The following KCNQ1 variants were observed in gnomAD, a reference collection of about 807,000 sequenced individuals.
KCNQ1 encodes potassium voltage-gated channel subfamily Q member 1, also known as potassium voltage-gated channel subfamily KQT member 1.
A neutral mutation model predicts 72.4 loss-of-function variants in KCNQ1; 49 were observed. The observed-to-expected ratio is 0.68, with a 90% CI of 0.54 to 0.86. The LOEUF is 0.86. Ranked by LOEUF, KCNQ1 falls within the 40% of genes least tolerant of loss-of-function variation. The probability of loss-of-function intolerance (pLI) is 0.00; values close to 1 mark genes in which losing one functional copy is unlikely to be tolerated. For synonymous variants in KCNQ1, 450 were observed against 412.6 expected (o/e 1.09, Z -1.10); for missense variants, 790 against 945.1 (o/e 0.84, Z 2.15).
intron 11 of KCNQ1, chr11:2,692,250 C>T (rs1850600459): frequency 2.5e-6 from 1 of 398,826 alleles, no homozygotes; most frequent in African/African-American, 2.1e-5. Context: ...AGCCCATCAC[C>T]AAGCCAGGCT....
In KCNQ1 at chr11:2,600,203, G is replaced by T. The variant is rs1281481062; in HGVS notation, c.1393+11349G>T. On this transcript the variant is annotated intron_variant, in intron 10 of 15. Coordinates refer to ENST00000155840, the MANE Select transcript of KCNQ1 (RefSeq NM_000218.3). This position sits in a 1 kb window ranked among gnomAD's most constrained non-coding sequence, Gnocchi z 5.6. ...ATGTTTAGCAGCATCTCCGGCCTCA[G>T]TTATGACCACCAAAAACATCTCCAC... Among the ~76,000 whole-genome samples the T allele has an allele frequency of 6.6e-6, 1 of 152,202 alleles. No homozygotes were observed. Among genetic ancestry groups the T allele is most frequent in the East Asian group, 1.9e-4 (1 of 5,204 alleles).
At chr11:2,573,139 G>A (rs1848367456) in intron 6 of KCNQ1, among the ~76,000 whole-genome samples, 153 bp downstream of exon 6, 1 of 152,202 alleles carries the variant, frequency 6.6e-6, no homozygotes. Flanking sequence ...TGTGCTTGGA[G>A]CCGCTGGCAC....
In KCNQ1 at chr11:2,678,192, T is replaced by C. The variant is rs1471628241; in HGVS notation, c.1514+16111T>C. 2.5e-6 allele frequency: 1 copy of C among 398,292 alleles called. No homozygotes were observed. Among genetic ancestry groups the C allele is most frequent in the Non-Finnish European group, 4.4e-6 (1 of 225,970 alleles). The allele number at this position is 398,292 out of a possible 1,614,324, so 24.7% of individuals were successfully genotyped here. ...TATTTTTCTGGTGGCAGAATTTTTTTAATTTCACATAGTCAGCTGTGTCAG... is the reference window on the plus strand; with the variant it reads ...TATTTTTCTGGTGGCAGAATTTTTTCAATTTCACATAGTCAGCTGTGTCAG... On this transcript the variant is annotated intron_variant, in intron 11 of 15. Coordinates refer to ENST00000155840, the MANE Select transcript of KCNQ1 (RefSeq NM_000218.3). This position sits in a 1 kb window ranked among gnomAD's most constrained non-coding sequence, Gnocchi z 4.9.
chr11:2,803,627 C>T lies in KCNQ1; in HGVS notation c.1794+25590C>T, dbSNP rs1358003650. 6.6e-6 allele frequency among the ~76,000 whole-genome samples: 1 copy of T among 152,122 alleles called. No individual in the cohort carries two copies. The highest frequency in any genetic ancestry group is 1.5e-5 in the Non-Finnish European group (1 of 68,016). ...AGGCCTGTACCGTCTGCAGCCCCAT[C>T]TCCAGGTCCCGGCCTGCCCCAGCCT... On this transcript the variant is annotated intron_variant, in intron 15 of 15. Transcript: ENST00000155840. The surrounding 1 kb of genome is among the most constrained non-coding windows in gnomAD (Gnocchi z 6.4).
intron 10 of KCNQ1, chr11:2,630,745 G>A: frequency 2.5e-6 from 1 of 398,276 alleles, no homozygotes; most frequent in East Asian, 3.6e-5. Context: ...AACTCCCTCT[G>A]GCATATCTTG....
At chr11:2,641,702 T>G (rs1849579740) in intron 10 of KCNQ1, 2 of 398,372 alleles carry the variant, frequency 5.0e-6, no homozygotes. Context: ...CCATAAAATC[T>G]TTCCCTAGAC....
Position 2,493,877 on chromosome 11 carries a change from C to T in KCNQ1, c.387-34051C>T, listed in dbSNP as rs1380139644. Among the ~76,000 whole-genome samples the T allele has an allele frequency of 6.6e-6, 1 of 152,052 alleles. No homozygotes were observed. The highest frequency in any genetic ancestry group is 1.5e-5 in the Non-Finnish European group (1 of 68,008). ...AAATTTAAAGTAGTTTTTTCTAATT[C>T]TGTGAAGAAAGTCAATGATAGCTTG... On this transcript the variant is annotated intron_variant, in intron 1 of 15. Coordinates refer to ENST00000155840, the MANE Select transcript of KCNQ1 (RefSeq NM_000218.3). This position sits in a 1 kb window ranked among gnomAD's most constrained non-coding sequence, Gnocchi z 5.3.
chr11:2,523,763 T>G (rs1415302750), intron 1 of KCNQ1, among the ~76,000 whole-genome samples: 2 of 147,442 alleles, frequency 1.4e-5, no homozygotes, highest in East Asian at 4.4e-4. Context: ...TTTTTTTTTT[T>G]TTTTTTTTGA....
Position 2,824,309 on chromosome 11 carries a change from A to G in KCNQ1, c.1795-23458A>G, listed in dbSNP as rs777811131. On this transcript the variant is annotated intron_variant, in intron 15 of 15. Coordinates refer to ENST00000155840, the MANE Select transcript of KCNQ1 (RefSeq NM_000218.3). The surrounding 1 kb of genome is among the most constrained non-coding windows in gnomAD (Gnocchi z 5.9). Reference sequence around the variant, plus strand: ...GGCTAGGCCCAGGGGTGGAAAGAAGACAGATACGAGAGGGGATTTGGAGAC... The same window carrying G: ...GGCTAGGCCCAGGGGTGGAAAGAAGGCAGATACGAGAGGGGATTTGGAGAC... Among the ~76,000 whole-genome samples, 7 of 152,076 alleles carry G rather than the reference A, an allele frequency of 4.6e-5. No individual in the cohort carries two copies. The highest frequency in any genetic ancestry group is 8.8e-5 in the Non-Finnish European group (6 of 68,010).
Position 2,556,369 on chromosome 11 carries a change from G to A in KCNQ1, c.478-14259G>A, listed in dbSNP as rs112117834. Among the ~76,000 whole-genome samples the A allele has an allele frequency of 3.0e-4, 46 of 152,254 alleles. 1 individual carries two copies. The highest frequency in any genetic ancestry group is 9.4e-4 in the African/African-American group (39 of 41,546). On this transcript the variant is annotated intron_variant, in intron 2 of 15. Transcript: ENST00000155840. ...GCGGGGCGGGGGACACAGTTTAGCC[G>A]GTAGGAATACCTACCTGTCAGAGGA... is the stretch of plus-strand genomic sequence containing the variant.
At position 2,781,926 on chromosome 11, in the gene KCNQ1, T is replaced by A. The variant is rs1028026933; in HGVS notation, c.1794+3889T>A. 1.3e-5 allele frequency among the ~76,000 whole-genome samples: 2 copies of A among 152,108 alleles called. No individual in the cohort carries two copies. The highest frequency in any genetic ancestry group is 2.9e-5 in the Non-Finnish European group (2 of 68,004). Reference sequence around the variant, plus strand: ...GGTCGCAGAATCCAGGCCTCCAGGATGAGAATGCCCCCCAACCCAGGACTC... The same window carrying A: ...GGTCGCAGAATCCAGGCCTCCAGGAAGAGAATGCCCCCCAACCCAGGACTC... On this transcript the variant is annotated intron_variant, in intron 15 of 15. Coordinates refer to ENST00000155840, the MANE Select transcript of KCNQ1 (RefSeq NM_000218.3). This position sits in a 1 kb window ranked among gnomAD's most constrained non-coding sequence, Gnocchi z 6.6.
chr11:2,638,894 T>C (rs151246266), intron 10 of KCNQ1: 1,563 of 152,360 alleles, frequency 0.01, 48 homozygotes, highest in East Asian at 0.081. Context: ...CCCATATTTC[T>C]TGGAGGCTTT....
intron 15 of KCNQ1, among the ~76,000 whole-genome samples, chr11:2,799,003 G>T (rs1257567093): frequency 6.6e-6 from 1 of 152,184 alleles, no homozygotes; most frequent in Non-Finnish European, 1.5e-5. Flanking sequence ...AGACAAGAAT[G>T]CAGGTGGTCA....
chr11:2,650,997 C>A, intron 10 of KCNQ1: 1 of 398,642 alleles, frequency 2.5e-6, no homozygotes, highest in Non-Finnish European at 4.4e-6. Flanking sequence ...TCTGGATTTG[C>A]CCACACCTAG....
rs771280184 is a variant in KCNQ1 at position 2,746,489 on chromosome 11, G to A, written c.1515-22355G>A. 9.2e-5 allele frequency among the ~76,000 whole-genome samples: 14 copies of A among 152,278 alleles called. No homozygotes were observed. The highest frequency in any genetic ancestry group is 2.1e-4 in the South Asian group (1 of 4,816). On this transcript the variant is annotated intron_variant, in intron 11 of 15. Coordinates refer to ENST00000155840, the MANE Select transcript of KCNQ1 (RefSeq NM_000218.3). The surrounding 1 kb of genome is among the most constrained non-coding windows in gnomAD (Gnocchi z 5.9). ...TCCGTCTCCCTGGGCTCCTCTGGGCGGTGACTGTTTCCCAGGCTCTCCTTG... is the reference window on the plus strand; with the variant it reads ...TCCGTCTCCCTGGGCTCCTCTGGGCAGTGACTGTTTCCCAGGCTCTCCTTG...
Position 2,659,319 on chromosome 11 carries a change from T to C in KCNQ1, c.1394-2642T>C, listed in dbSNP as rs1196463173. Reference sequence around the variant, plus strand: ...TCTGTTTTATGTCCCTGTAGTTTTGTTTTTCTAGAATGTCCTATAAATGGG... The same window carrying C: ...TCTGTTTTATGTCCCTGTAGTTTTGCTTTTCTAGAATGTCCTATAAATGGG... On this transcript the variant is annotated intron_variant, in intron 10 of 15. Transcript: ENST00000155840. This position sits in a 1 kb window ranked among gnomAD's most constrained non-coding sequence, Gnocchi z 4.3. 2.5e-6 allele frequency: 1 copy of C among 398,514 alleles called. No individual in the cohort carries two copies. The highest frequency in any genetic ancestry group is 4.4e-5 in the Admixed American group (1 of 22,720). 24.7% of individuals were successfully genotyped at this position (398,514 alleles called of 1,614,324 possible).
At chr11:2,553,501 G>T (rs1478433867) in intron 2 of KCNQ1, among the ~76,000 whole-genome samples, 1 of 151,976 alleles carries the variant, frequency 6.6e-6, no homozygotes, top group Non-Finnish European at 1.5e-5. Flanking sequence ...TTTGACAAGT[G>T]CTCCTTCTGC....
chr11:2,514,424 A>G (rs1199355191), intron 1 of KCNQ1, among the ~76,000 whole-genome samples: 3 of 152,162 alleles, frequency 2.0e-5, no homozygotes, highest in African/African-American at 7.2e-5. Flanking sequence ...TGGGGAAACC[A>G]AGGCTCAAGG....
intron 10 of KCNQ1, chr11:2,633,145 C>T: frequency 2.5e-6 from 1 of 398,444 alleles, no homozygotes; most frequent in Non-Finnish European, 4.4e-6. Context: ...GTGGCTTTGA[C>T]TTGCATTTCT....
Sources: allele counts gnomAD v4.1 joint callset (sites outside exome capture counted in the v4.1 genomes callset), GRCh38; gene constraint gnomAD v4.1.1; non-coding constraint Gnocchi (gnomAD v3.1); transcripts MANE v1.5; gene names NCBI Gene and HGNC (gene_info 2026-07-23, HGNC 2026-07-21).